AFM: variants seen among roughly 807,000 people sequenced by gnomAD.
The protein encoded by AFM is afamin.
AFM carries 82 observed loss-of-function variants against 68.7 expected under a neutral mutation model. The observed-to-expected ratio is 1.19, with a 90% CI of 1.00 to 1.43. The LOEUF is 1.43. Ranked by LOEUF, AFM falls within the 40% of genes most tolerant of loss-of-function variation. The pLI is 0.00. For synonymous variants in AFM, 250 were observed against 234.2 expected, an observed-to-expected ratio of 1.07 and a Z score of -0.61; for missense variants, 772 against 701.8, an observed-to-expected ratio of 1.10 and a Z score of -1.13.
At chr4:73,488,973 G>T (rs1306399169) in intron 7 of AFM, among the ~76,000 whole-genome samples, 1 of 152,108 alleles carries the variant, frequency 6.6e-6, no homozygotes, top group Non-Finnish European at 1.5e-5. Flanking sequence ...TGAATAGATT[G>T]TATATTATAT....
intron 12 of AFM, 38 bp downstream of exon 12, chr4:73,500,265 T>G (rs1280969099): frequency 6.6e-7 from 1 of 1,521,288 alleles, no homozygotes; most frequent in East Asian, 2.4e-5. Context: ...TTTCTTTGGT[T>G]TGAAGACACA....
chr4:73,501,984 C>A (rs1283323107), intron 13 of AFM, 65 bp downstream of exon 13: 33 of 1,549,784 alleles, frequency 2.1e-5, no homozygotes, highest in Non-Finnish European at 2.9e-5. Context: ...TAAAACAGAA[C>A]CCTGCAGGAC....
intron 7 of AFM, among the ~76,000 whole-genome samples, chr4:73,489,520 T>C (rs918336481): frequency 1.3e-5 from 2 of 152,184 alleles, no homozygotes; most frequent in Admixed American, 6.5e-5. Flanking sequence ...ACTCCAAATC[T>C]TAGCAATTTT....
intron 4 of AFM, 38 bp downstream of exon 4, chr4:73,486,111 A>G: frequency 6.5e-7 from 1 of 1,532,012 alleles, no homozygotes; most frequent in Non-Finnish European, 9.0e-7. Flanking sequence ...CCAGTTGAAG[A>G]ATTAGTCTTA....
At chr4:73,486,812 C>T (rs905323002) in intron 4 of AFM, among the ~76,000 whole-genome samples, 155 bp from the exon 5 acceptor site, 3 of 152,108 alleles carry the variant, frequency 2.0e-5, no homozygotes, top group African/African-American at 4.8e-5. Context: ...TTCCTTTTAC[C>T]TTGTTTTACA....
Position 73,485,962 on chromosome 4 carries a change from G to A in AFM, c.371G>A (p.Cys124Tyr), listed in dbSNP as rs575167237. 17 of 1,613,912 alleles carry A rather than the reference G, an allele frequency of 1.1e-5. No homozygotes were observed. The East Asian group carries it at 3.6e-4, about 34-fold the overall frequency. ...AAGGTTGATGCTCAAAGAAGACTCT[G>A]TTTCTTCTATAACAAGAAATCTGAT... Reference protein sequence around the residue: ...CSKVDAQRRLCFFYNKKSDVG... With the variant: ...CSKVDAQRRLYFFYNKKSDVG... Residue 124 changes from cysteine (C) to tyrosine (Y), a missense_variant, in exon 4 of 15, where the codon TGT becomes TAT. By Grantham distance (194) the Cys-to-Tyr change is radical. Transcript: ENST00000226355.
intron 9 of AFM, among the ~76,000 whole-genome samples, chr4:73,496,000 C>A (rs993878222): frequency 6.6e-6 from 1 of 152,130 alleles, no homozygotes; most frequent in African/African-American, 2.4e-5. Context: ...ATGTTTGGAC[C>A]TGTTTTTTTA....
intron 4 of AFM, among the ~76,000 whole-genome samples, chr4:73,486,274 C>G (rs1410934879): frequency 6.6e-6 from 1 of 152,078 alleles, no homozygotes; most frequent in African/African-American, 2.4e-5. Context: ...GCTTACAAGA[C>G]CATTATATTA....
chr4:73,484,486 C>CTTTCTT, intron 3 of AFM, 96 bp downstream of exon 3: 1 of 746,516 alleles, frequency 1.3e-6, no homozygotes, highest in East Asian at 3.3e-5. Context: ...TTCTTTCTTT[C>CTTTCTT]TTTCTTTCTT....
At position 73,501,787 on chromosome 4, in the gene AFM, G is replaced by T. The variant is rs1721430586; in HGVS notation, c.1647G>T (p.Arg549Ser). The T allele has an allele frequency of 4.3e-6, 7 of 1,611,540 alleles. No homozygotes were observed. The highest frequency in any genetic ancestry group is 5.1e-6 in the Non-Finnish European group (6 of 1,178,992). ...QNEELQRKTD[R>S]FLVNLVKLKH... ...TTTATTTGACATCTTTTGGCCACAG[G>T]TTTCTTGTCAACTTAGTGAAGCTGA... The change falls in exon 13 of 15, where the codon AGG (arginine) becomes AGT (serine). Residue 549 changes from arginine (R) to serine (S), a missense_variant and splice_region_variant. Coordinates refer to ENST00000226355, the MANE Select transcript of AFM (RefSeq NM_001133.2).
chr4:73,487,654 T>C, intron 5 of AFM, 70 bp from the exon 6 acceptor site: 2 of 1,072,148 alleles, frequency 1.9e-6, no homozygotes, highest in East Asian at 2.5e-5. Flanking sequence ...TTGAATGAAA[T>C]ATGACTAAAA....
chr4:73,501,822 T>C lies in AFM; in HGVS notation c.1682T>C (p.Leu561Pro). Residue 561 changes from leucine to proline, a missense_variant, in exon 13 of 15, where the codon CTC becomes CCC. Coordinates refer to ENST00000226355, the MANE Select transcript of AFM (RefSeq NM_001133.2). ...AACTTAGTGAAGCTGAAGCATGAAC[T>C]CACAGATGAAGAGCTGCAGTCTTTG... ...LVNLVKLKHELTDEELQSLFT... is the reference protein window; with the variant it reads ...LVNLVKLKHEPTDEELQSLFT... 6.2e-7 allele frequency: 1 copy of C among 1,613,314 alleles called. No homozygotes were observed. The highest frequency in any genetic ancestry group is 8.5e-7 in the Non-Finnish European group (1 of 1,179,576).
At chr4:73,496,539 G>A (rs1170896139) in intron 9 of AFM, among the ~76,000 whole-genome samples, 1 of 152,064 alleles carries the variant, frequency 6.6e-6, no homozygotes, top group Non-Finnish European at 1.5e-5. Context: ...GTTGTTTCTG[G>A]TGTCTGGCCC....
At chr4:73,501,997 T>C in intron 13 of AFM, 78 bp downstream of exon 13, 1 of 1,495,246 alleles carries the variant, frequency 6.7e-7, no homozygotes, top group South Asian at 1.2e-5. Flanking sequence ...TGCAGGACAC[T>C]GCTTCCTCTC....
chr4:73,499,037 T>C (rs1169842888), intron 10 of AFM, 77 bp from the exon 11 acceptor site: 1 of 1,510,732 alleles, frequency 6.6e-7, no homozygotes, highest in Non-Finnish European at 9.0e-7. Context: ...CCTTGAAGGG[T>C]CTGGGCTTCA....
intron 3 of AFM, among the ~76,000 whole-genome samples, chr4:73,485,257 C>T (rs939568179): frequency 5.3e-5 from 8 of 152,220 alleles, no homozygotes; most frequent in African/African-American, 1.7e-4. Flanking sequence ...ATTAACATAC[C>T]AGCATGTCAT....
chr4:73,503,655 A>G (rs1452699727), intron 14 of AFM, among the ~76,000 whole-genome samples: 1 of 152,186 alleles, frequency 6.6e-6, no homozygotes, highest in Non-Finnish European at 1.5e-5. Context: ...CTTATGTAAG[A>G]CCTGAAACAC....
At chr4:73,483,535 C>A (rs539422073) in intron 1 of AFM, among the ~76,000 whole-genome samples, 14 of 152,190 alleles carry the variant, frequency 9.2e-5, no homozygotes, top group Non-Finnish European at 1.9e-4. Context: ...TGCTGACCAC[C>A]AGCATGCTAC....
chr4:73,488,591 G>A, intron 6 of AFM, 39 bp from the exon 7 acceptor site: 1 of 1,578,468 alleles, frequency 6.3e-7, no homozygotes, highest in South Asian at 1.2e-5. Flanking sequence ...TCTACTTGCT[G>A]TTCAAATTAT....
Sources: gnomAD v4.1 joint callset for allele counts (sites outside exome capture counted in the v4.1 genomes callset) on GRCh38, gnomAD v4.1.1 for gene constraint, MANE v1.5 for transcripts, NCBI Gene and HGNC (gene_info 2026-07-23, HGNC 2026-07-21) for gene names.